The following CATSPERB variants were observed in gnomAD, a reference collection of about 807,000 sequenced individuals.
CATSPERB encodes the protein cation channel sperm-associated auxiliary subunit beta.
A neutral mutation model predicts 128.3 loss-of-function variants in CATSPERB; 93 were observed. That is an observed-to-expected ratio of 0.72 (90% confidence interval 0.61 to 0.86). The LOEUF is 0.86. Ranked by LOEUF, CATSPERB falls within the 40% of genes least tolerant of loss-of-function variation. CATSPERB has a pLI of 0.00. For synonymous variants in CATSPERB, 381 were observed against 448.8 expected (o/e 0.85, Z 1.91); for missense variants, 1,153 against 1,329.5 (o/e 0.87, Z 2.06).
At chr14:91,708,267 T>C (rs1201323000) in intron 5 of CATSPERB, 31 bp from the exon 6 acceptor site, 1 of 1,342,716 alleles carries the variant, frequency 7.4e-7, no homozygotes, top group Non-Finnish European at 1.1e-6. Flanking sequence ...AATAATCAAC[T>C]ATTTTTTCAT....
At chr14:91,590,791 C>A (rs1421106165) in intron 23 of CATSPERB, among the ~76,000 whole-genome samples, 1 of 151,964 alleles carries the variant, frequency 6.6e-6, no homozygotes, top group Non-Finnish European at 1.5e-5. Flanking sequence ...GCTGGGACTA[C>A]AGGCGCCCAC....
intron 6 of CATSPERB, among the ~76,000 whole-genome samples, chr14:91,707,489 CT>C (rs1188704610): frequency 6.8e-6 from 1 of 147,574 alleles, no homozygotes; most frequent in African/African-American, 2.5e-5. Flanking sequence ...AAACTACTTA[CT>C]TTTTTGGAAT....
chr14:91,704,485 C>T (rs1895703564), intron 7 of CATSPERB, 67 bp downstream of exon 7: 8 of 1,477,256 alleles, frequency 5.4e-6, no homozygotes, highest in South Asian at 1.4e-5. Flanking sequence ...TTTCTGCTGC[C>T]AGTTAAACAT....
intron 14 of CATSPERB, among the ~76,000 whole-genome samples, chr14:91,668,358 T>A (rs1395715866): frequency 6.6e-6 from 1 of 151,572 alleles, no homozygotes; most frequent in East Asian, 1.9e-4. Context: ...TAGCTAAAGG[T>A]TTGTAAACGC....
At chr14:91,603,553 G>A (rs186654073) in intron 22 of CATSPERB, 55 of 712,618 alleles carry the variant, frequency 7.7e-5, no homozygotes, top group East Asian at 7.4e-4. Context: ...GGACCCCACC[G>A]CTCTAGAGCC....
In CATSPERB at chr14:91,725,135, T is replaced by C. The variant is rs777732255; in HGVS notation, c.113A>G (p.Lys38Arg). Reference sequence around the variant, plus strand: ...TATTTCATTCTCTTGAGGGAACCCTTTGTTAGAACATGCAAAGCGTTTCTC... The same window carrying C: ...TATTTCATTCTCTTGAGGGAACCCTCTGTTAGAACATGCAAAGCGTTTCTC... The part of the protein sequence containing the change: ...DTEKRFACSN[K>R]GFPQENEIIK... The change falls in exon 3 of 27, where the codon AAA (lysine) becomes AGA (arginine). Residue 38 changes from lysine to arginine, a missense_variant. Lys to Arg is a conservative substitution (Grantham distance 26). Transcript: ENST00000256343. The C allele has an allele frequency of 7.0e-6, 11 of 1,578,004 alleles. No homozygotes were observed. The highest frequency in any genetic ancestry group is 5.5e-5 in the Admixed American group (3 of 54,754).
intron 22 of CATSPERB, among the ~76,000 whole-genome samples, chr14:91,606,030 G>C (rs1390021610): frequency 3.3e-5 from 5 of 151,892 alleles, no homozygotes; most frequent in Non-Finnish European, 7.4e-5. Context: ...ACAAAAATTA[G>C]CTGGGTGTGG....
chr14:91,644,522 A>G (rs1486920291), intron 15 of CATSPERB, among the ~76,000 whole-genome samples: 2 of 125,166 alleles, frequency 1.6e-5, no homozygotes, highest in Middle Eastern at 4.1e-3. Flanking sequence ...TTTCTTTAAG[A>G]ATGTTGAATA....
At chr14:91,703,822 T>C (rs920635330) in intron 7 of CATSPERB, among the ~76,000 whole-genome samples, 2 of 152,232 alleles carry the variant, frequency 1.3e-5, no homozygotes, top group South Asian at 2.1e-4. Flanking sequence ...CCCTGAGTTC[T>C]GTGAGTTGTG....
intron 18 of CATSPERB, 145 bp downstream of exon 18, chr14:91,624,675 C>G: frequency 5.3e-6 from 3 of 566,040 alleles, no homozygotes; most frequent in Non-Finnish European, 8.6e-6. Flanking sequence ...TTCAGGAACC[C>G]AAATATATGT....
In CATSPERB at chr14:91,592,998, G is replaced by A. The variant is rs565443187; in HGVS notation, c.2710-996C>T. Among the ~76,000 whole-genome samples the A allele has an allele frequency of 5.9e-5, 9 of 152,318 alleles. No individual in the cohort carries two copies. In the East Asian group the frequency reaches 1.5e-3, roughly 26 times the overall value. On this transcript the variant is annotated intron_variant, in intron 22 of 26. Transcript: ENST00000256343. ...CCAGCTGTGGCTGAAAGGGGCCAAC[G>A]CACAGCTCAGGGTGTGGCTTCAGAG...
At chr14:91,582,776 C>T (rs529464006) in intron 26 of CATSPERB, among the ~76,000 whole-genome samples, 16 of 152,336 alleles carry the variant, frequency 1.1e-4, no homozygotes, top group Admixed American at 2.6e-4. Context: ...CCACACCCTA[C>T]GTCCCCTGTC....
chr14:91,666,316 T>C (rs1279339857), intron 14 of CATSPERB, among the ~76,000 whole-genome samples: 2 of 152,172 alleles, frequency 1.3e-5, no homozygotes, highest in African/African-American at 2.4e-5. Context: ...TTGCCAACTA[T>C]GGATCCCTGG....
Position 91,588,004 on chromosome 14 carries a change from G to T in CATSPERB, c.3031C>A (p.Pro1011Thr). The change falls in exon 25 of 27, where the codon CCT (proline) becomes ACT (threonine). Residue 1011 changes from proline (P) to threonine (T), a missense_variant. By Grantham distance (38) the Pro-to-Thr change is conservative. Transcript: ENST00000256343. ...TTTATGCTTAAGTTGAGACCTGAAG[G>T]ATTATACACTGCAGCACCAAGAATT... The part of the protein sequence containing the change: ...EPILGAAVYN[P>T]SGLNLSIKGS... 1.2e-6 allele frequency: 2 copies of T among 1,610,744 alleles called. No homozygotes were observed. Among genetic ancestry groups the T allele is most frequent in the Non-Finnish European group, 1.7e-6 (2 of 1,177,456 alleles).
At chr14:91,627,041 T>A (rs1204035703) in intron 17 of CATSPERB, among the ~76,000 whole-genome samples, 1 of 152,212 alleles carries the variant, frequency 6.6e-6, no homozygotes, top group Non-Finnish European at 1.5e-5. Flanking sequence ...TGATTAACAT[T>A]TGGTCGACCT....
At chr14:91,582,767 C>A (rs1893225613) in intron 26 of CATSPERB, among the ~76,000 whole-genome samples, 1 of 152,212 alleles carries the variant, frequency 6.6e-6, no homozygotes, top group South Asian at 2.1e-4. Context: ...GGTGAGGGAC[C>A]ACACCCTACG....
intron 12 of CATSPERB, 37 bp downstream of exon 12, chr14:91,674,139 C>A (rs774414849): frequency 3.1e-6 from 4 of 1,279,948 alleles, no homozygotes; most frequent in South Asian, 2.6e-5. Flanking sequence ...AATCCCACAA[C>A]AAAATTTCTT....
chr14:91,600,920 C>T (rs1893598646), intron 22 of CATSPERB, among the ~76,000 whole-genome samples: 1 of 152,144 alleles, frequency 6.6e-6, no homozygotes, highest in African/African-American at 2.4e-5. Context: ...GGTGTATTTG[C>T]CTGTTTCAAG....
intron 17 of CATSPERB, among the ~76,000 whole-genome samples, chr14:91,633,152 C>T (rs1894308107): frequency 6.6e-6 from 1 of 152,174 alleles, no homozygotes. Context: ...TTCATTTCTT[C>T]AGGAGGACTC....
Sources: gnomAD v4.1 joint callset for allele counts (sites outside exome capture counted in the v4.1 genomes callset) on GRCh38, gnomAD v4.1.1 for gene constraint, MANE v1.5 for transcripts, NCBI Gene and HGNC (gene_info 2026-07-23, HGNC 2026-07-21) for gene names.